The following ADAMTS12 variants were observed in gnomAD, a reference collection of about 807,000 sequenced individuals.
The protein encoded by ADAMTS12 is A disintegrin and metalloproteinase with thrombospondin motifs 12.
Under a neutral mutation model 167.8 loss-of-function variants are expected in ADAMTS12, and 118 were observed. The ratio of observed to expected loss-of-function variants is 0.70; its 90% CI spans 0.61 to 0.82. ADAMTS12 has a LOEUF of 0.82. ADAMTS12 is among the 40% of genes least tolerant of loss of function. The pLI, the probability that ADAMTS12 is intolerant of heterozygous loss-of-function variation, is 0.00. For synonymous variants in ADAMTS12, 704 were observed against 716.9 expected, an observed-to-expected ratio of 0.98 and a Z score of 0.29; for missense variants, 1,916 against 1,998.8, an observed-to-expected ratio of 0.96 and a Z score of 0.79.
intron 3 of ADAMTS12, among the ~76,000 whole-genome samples, chr5:33,728,959 T>C (rs573032237): frequency 6.6e-6 from 1 of 152,264 alleles, no homozygotes; most frequent in Non-Finnish European, 1.5e-5. Context: ...TGCATATATG[T>C]GTATATAAAT....
chr5:33,644,416 T>C (rs1204588707), intron 9 of ADAMTS12, among the ~76,000 whole-genome samples: 2 of 152,186 alleles, frequency 1.3e-5, no homozygotes, highest in Non-Finnish European at 2.9e-5. Context: ...TAAATTCCAT[T>C]TGATTGATTT....
At chr5:33,603,442 C>T (rs1738282726) in intron 16 of ADAMTS12, 1 of 152,182 alleles carries the variant, frequency 6.6e-6, no homozygotes, top group African/African-American at 2.4e-5. Context: ...TTTCATTAAG[C>T]CTTCCGTAAT....
rs114721892 is a variant in ADAMTS12, at chr5:33,658,456, A to G, written c.1041-123T>C. The G allele has an allele frequency of 1.9e-3, 2,154 of 1,151,758 alleles. 37 individuals are homozygous for G. In the African/African-American group the frequency reaches 0.03, roughly 16 times the overall value. 71.3% of individuals were successfully genotyped at this position (1,151,758 alleles called of 1,614,324 possible). The stretch of plus-strand genomic sequence containing the variant: ...TGTAAAGTATGCTTGGCATTTTTTA[A>G]AAAGTCTACATGAATGTAGGCAGCA... On this transcript the variant is annotated intron_variant, in intron 6 of 23. Coordinates refer to ENST00000504830, the MANE Select transcript of ADAMTS12 (RefSeq NM_030955.4).
chr5:33,889,197 G>A (rs996537078), intron 1 of ADAMTS12, among the ~76,000 whole-genome samples: 1 of 152,022 alleles, frequency 6.6e-6, no homozygotes. Context: ...TCCTGTAATC[G>A]CAGCATTTGG....
chr5:33,885,109 A>T (rs1750590639), intron 1 of ADAMTS12, among the ~76,000 whole-genome samples: 1 of 152,218 alleles, frequency 6.6e-6, no homozygotes, highest in African/African-American at 2.4e-5. Flanking sequence ...AGAAACCAAC[A>T]AGTGTGATTC....
At chr5:33,589,582 C>G (rs998308065) in intron 17 of ADAMTS12, among the ~76,000 whole-genome samples, 1 of 152,162 alleles carries the variant, frequency 6.6e-6, no homozygotes, top group Non-Finnish European at 1.5e-5. Flanking sequence ...GGCAGGGAGC[C>G]ATCTCTTGTC....
At chr5:33,811,892 G>A (rs529052825) in intron 2 of ADAMTS12, among the ~76,000 whole-genome samples, 30 of 152,292 alleles carry the variant, frequency 2.0e-4, no homozygotes, top group Non-Finnish European at 4.0e-4. Flanking sequence ...CACCCGTGCT[G>A]AAGGCAGAGC....
intron 3 of ADAMTS12, among the ~76,000 whole-genome samples, chr5:33,707,558 C>T (rs1468052067): frequency 2.6e-5 from 4 of 152,156 alleles, no homozygotes; most frequent in Non-Finnish European, 2.9e-5. Flanking sequence ...AACTATATTA[C>T]AAGGCTACAG....
At position 33,847,432 on chromosome 5, in the gene ADAMTS12, G is replaced by C. The variant is rs375323414; in HGVS notation, c.489+33687C>G. Among the ~76,000 whole-genome samples the C allele has an allele frequency of 2.7e-3, 414 of 152,246 alleles. 4 individuals are homozygous for C. The highest frequency in any genetic ancestry group is 9.8e-3 in the African/African-American group (406 of 41,550). The stretch of plus-strand genomic sequence containing the variant: ...GAGGTCGGGAGTTGGAGACCAGCCT[G>C]ACCAACATGGAGAAACCCCGTCTCT... On this transcript the variant is annotated intron_variant, in intron 2 of 23. Transcript: ENST00000504830.
In ADAMTS12 at chr5:33,764,182, A is replaced by G. The variant is rs1199592237; in HGVS notation, c.490-12634T>C. 5.9e-5 allele frequency among the ~76,000 whole-genome samples: 9 copies of G among 152,320 alleles called. No homozygotes were observed. The South Asian group carries it at 1.7e-3, about 28-fold the overall frequency. On this transcript the variant is annotated intron_variant, in intron 2 of 23. Transcript: ENST00000504830. Reference sequence around the variant, plus strand: ...ACAAATGCATTTCCAGCGAGGAGAGACTACTTCTCAAGTCATCTATGATTG... The same window carrying G: ...ACAAATGCATTTCCAGCGAGGAGAGGCTACTTCTCAAGTCATCTATGATTG...
Position 33,579,324 on chromosome 5 carries a change from C to G in ADAMTS12, c.2866-2164G>C, listed in dbSNP as rs143208759. 7.8e-3 allele frequency among the ~76,000 whole-genome samples: 1,191 copies of G among 152,348 alleles called. 16 individuals are homozygous for G. Among genetic ancestry groups the G allele is most frequent in the African/African-American group, 0.028 (1,158 of 41,574 alleles). ...CCTCAGGCAGGCTCAGTCTTGAGAG[C>G]TGACTGATAACTGAGGTCCCAGCTA... On this transcript the variant is annotated intron_variant, in intron 18 of 23. Coordinates refer to ENST00000504830, the MANE Select transcript of ADAMTS12 (RefSeq NM_030955.4).
intron 2 of ADAMTS12, among the ~76,000 whole-genome samples, chr5:33,760,675 C>G (rs1374596623): frequency 1.3e-5 from 2 of 152,176 alleles, no homozygotes; most frequent in African/African-American, 4.8e-5. Flanking sequence ...ATCTAAAAAG[C>G]TCATCAGAAC....
At chr5:33,745,795 C>T (rs1469012071) in intron 3 of ADAMTS12, among the ~76,000 whole-genome samples, 1 of 152,146 alleles carries the variant, frequency 6.6e-6, no homozygotes, top group Non-Finnish European at 1.5e-5. Flanking sequence ...GTGCTGAGGC[C>T]TCTGGCACTC....
In ADAMTS12 at chr5:33,787,379, G is replaced by A. The variant is rs113854607; in HGVS notation, c.490-35831C>T. 5.1e-3 allele frequency among the ~76,000 whole-genome samples: 771 copies of A among 152,306 alleles called. 5 individuals are homozygous for A. Among genetic ancestry groups the A allele is most frequent in the African/African-American group, 0.018 (730 of 41,550 alleles). ...ATTGCAGGGCCACTGTCCACTTTTC[G>A]AATGTCAAAAACATTCCTAAATCTG... On this transcript the variant is annotated intron_variant, in intron 2 of 23. Transcript: ENST00000504830.
At chr5:33,836,045 T>C (rs895653738) in intron 2 of ADAMTS12, among the ~76,000 whole-genome samples, 1 of 151,978 alleles carries the variant, frequency 6.6e-6, no homozygotes, top group African/African-American at 2.4e-5. Context: ...AGCAAATGTA[T>C]GGATGTTACT....
At chr5:33,824,314 G>C (rs902476121) in intron 2 of ADAMTS12, among the ~76,000 whole-genome samples, 2 of 152,124 alleles carry the variant, frequency 1.3e-5, no homozygotes, top group African/African-American at 2.4e-5. Flanking sequence ...GAACAGAAAG[G>C]GGGGACTTAC....
At chr5:33,684,613 A>T (rs1024161165) in intron 3 of ADAMTS12, among the ~76,000 whole-genome samples, 5 of 152,248 alleles carry the variant, frequency 3.3e-5, no homozygotes, top group African/African-American at 1.2e-4. Context: ...CAGAGTAAAC[A>T]TGTATAAAAC....
At chr5:33,604,028 T>C (rs185037387) in intron 16 of ADAMTS12, among the ~76,000 whole-genome samples, 1 of 152,212 alleles carries the variant, frequency 6.6e-6, no homozygotes, top group East Asian at 1.9e-4. Flanking sequence ...GCAGTTAATA[T>C]AAGTATAAAT....
chr5:33,885,960 G>A (rs903934269), intron 1 of ADAMTS12, among the ~76,000 whole-genome samples: 2 of 152,228 alleles, frequency 1.3e-5, no homozygotes, highest in African/African-American at 2.4e-5. Flanking sequence ...AATAGTCCCA[G>A]ATCTGAGTTA....
Sources: gnomAD v4.1 joint callset for allele counts (sites outside exome capture counted in the v4.1 genomes callset) on GRCh38, gnomAD v4.1.1 for gene constraint, MANE v1.5 for transcripts, NCBI Gene and HGNC (gene_info 2026-07-23, HGNC 2026-07-21) for gene names.